Variants in ARID1B observed in about 807,000 individuals in gnomAD.
ARID1B encodes AT-rich interaction domain 1B.
ARID1B carries 30 observed loss-of-function variants against 212.3 expected under a neutral mutation model. The observed-to-expected ratio is 0.14, with a 90% CI of 0.11 to 0.19. The LOEUF (loss-of-function observed/expected upper bound fraction) is 0.19, where lower values mean the gene tolerates loss of function less well. Ranked by LOEUF, ARID1B falls within the 10% of genes least tolerant of loss-of-function variation. ARID1B has a pLI of 1.00. For synonymous variants in ARID1B, 1,402 were observed against 1,301.7 expected, an observed-to-expected ratio of 1.08 and a Z score of -1.66; for missense variants, 2,891 against 3,204.0, an observed-to-expected ratio of 0.90 and a Z score of 2.36.
Position 157,039,871 on chromosome 6 carries a change from T to TTC in ARID1B, c.2248-44791_2248-44790insTC, listed in dbSNP as rs1562570010. On this transcript the variant is annotated intron_variant, in intron 4 of 19. Transcript: ENST00000636930. ...CTTTCTCTCTCTTTCTCTCTCTTTC[T>TTC]CTTTCTTTTCTCTTCCTTCCTTCCT... 1.3e-3 allele frequency among the ~76,000 whole-genome samples: 109 copies of TTC among 81,800 alleles called. 1 individual carries two copies. Among genetic ancestry groups the TTC allele is most frequent in the Non-Finnish European group, 1.9e-3 (71 of 37,948 alleles). The allele number at this position is 81,800 out of a possible 152,430, so 53.7% of individuals were successfully genotyped here.
chr6:156,785,903 C>T (rs977958626), intron 1 of ARID1B, among the ~76,000 whole-genome samples: 1 of 152,210 alleles, frequency 6.6e-6, no homozygotes. Flanking sequence ...GGGTAATCCT[C>T]ATAGAGTTTG....
At chr6:157,014,589 T>C (rs570634462) in intron 4 of ARID1B, among the ~76,000 whole-genome samples, 6 of 152,178 alleles carry the variant, frequency 3.9e-5, no homozygotes, top group African/African-American at 1.4e-4. Flanking sequence ...TATAAGCAGT[T>C]TTTTTCATCT....
intron 4 of ARID1B, among the ~76,000 whole-genome samples, chr6:156,973,385 A>G (rs945200044): frequency 4.6e-5 from 7 of 152,172 alleles, no homozygotes; most frequent in Admixed American, 2.6e-4. Context: ...ATGATCTTTG[A>G]CAGCCCTTCT....
Position 156,864,675 on chromosome 6 carries a change from A to G in ARID1B, c.1986+35254A>G, listed in dbSNP as rs115818351. ...TTCATGTCTAGAATCACATTCTTAC[A>G]TTGCTCCTTGAAGTTTTAGGCTTTG... On this transcript the variant is annotated intron_variant, in intron 2 of 19. Coordinates refer to ENST00000636930, the MANE Select transcript of ARID1B (RefSeq NM_001374828.1). 5.6e-3 allele frequency among the ~76,000 whole-genome samples: 853 copies of G among 152,240 alleles called. 7 individuals are homozygous for G. Among genetic ancestry groups the G allele is most frequent in the African/African-American group, 0.02 (818 of 41,520 alleles).
chr6:156,833,576 G>A (rs1783292383), intron 2 of ARID1B, among the ~76,000 whole-genome samples: 1 of 152,136 alleles, frequency 6.6e-6, no homozygotes, highest in East Asian at 1.9e-4. Context: ...AAGTTCATGA[G>A]TGCTTTTATG....
At chr6:157,077,787 A>C (rs1175919483) in intron 4 of ARID1B, among the ~76,000 whole-genome samples, 1 of 152,196 alleles carries the variant, frequency 6.6e-6, no homozygotes, top group Non-Finnish European at 1.5e-5. Flanking sequence ...CCACATATGA[A>C]TATAAAATGT....
intron 4 of ARID1B, among the ~76,000 whole-genome samples, chr6:157,016,587 G>A (rs557790907): frequency 5.3e-5 from 8 of 152,238 alleles, no homozygotes; most frequent in African/African-American, 1.7e-4. Context: ...AGATGTGCCA[G>A]TTATGGGACC....
At chr6:157,134,232 G>A (rs1020489667) in intron 7 of ARID1B, among the ~76,000 whole-genome samples, 10 of 152,190 alleles carry the variant, frequency 6.6e-5, no homozygotes, top group African/African-American at 2.4e-4. Context: ...CTTTTTACCT[G>A]CTGGTTCTCA....
intron 11 of ARID1B, 51 bp from the exon 12 acceptor site, chr6:157,180,918 C>A (rs2128316260): frequency 1.3e-6 from 2 of 1,522,956 alleles, no homozygotes; most frequent in South Asian, 2.3e-5. Flanking sequence ...CTTCTTCCCT[C>A]TCCCTCTGCC....
At chr6:156,919,979 C>T (rs1318068256) in intron 3 of ARID1B, among the ~76,000 whole-genome samples, 2 of 152,220 alleles carry the variant, frequency 1.3e-5, no homozygotes, top group Non-Finnish European at 2.9e-5. Flanking sequence ...GTGGGTGATC[C>T]CTCTCTCCCG....
chr6:156,989,213 C>G (rs1399953290), intron 4 of ARID1B, among the ~76,000 whole-genome samples: 1 of 152,148 alleles, frequency 6.6e-6, no homozygotes, highest in Non-Finnish European at 1.5e-5. Context: ...CCCTCTAAGT[C>G]AGGTCAGCCA....
At chr6:156,935,136 C>T (rs560667838) in intron 3 of ARID1B, among the ~76,000 whole-genome samples, 5 of 151,864 alleles carry the variant, frequency 3.3e-5, no homozygotes, top group South Asian at 2.1e-4. Context: ...CTCTGTCACC[C>T]AGGCTGGAGT....
rs561588013 is a variant in ARID1B at position 157,133,966 on chromosome 6, A to G, written c.2761+759A>G. 3.9e-5 allele frequency among the ~76,000 whole-genome samples: 6 copies of G among 152,302 alleles called. No individual in the cohort carries two copies. The South Asian group carries it at 1.2e-3, about 32-fold the overall frequency. On this transcript the variant is annotated intron_variant, in intron 7 of 19. Coordinates refer to ENST00000636930, the MANE Select transcript of ARID1B (RefSeq NM_001374828.1). Reference sequence around the variant, plus strand: ...TCACTTTTAGCAATAAGACATTTGAATTTACCACCTTCCTTATATTTTGTT... The same window carrying G: ...TCACTTTTAGCAATAAGACATTTGAGTTTACCACCTTCCTTATATTTTGTT...
chr6:157,114,003 A>G (rs777401852), intron 6 of ARID1B, among the ~76,000 whole-genome samples: 5 of 152,188 alleles, frequency 3.3e-5, no homozygotes, highest in African/African-American at 4.8e-5. Context: ...AATAATAGAA[A>G]CATCTGTTTG....
At chr6:157,184,588 G>T in intron 13 of ARID1B, 153 bp downstream of exon 13, 4 of 852,346 alleles carry the variant, frequency 4.7e-6, no homozygotes, top group Non-Finnish European at 7.4e-6. Flanking sequence ...TTAATTGGAC[G>T]CCCACTGGCA....
At chr6:157,075,058 A>G (rs17088065) in intron 4 of ARID1B, among the ~76,000 whole-genome samples, 4,227 of 152,330 alleles carry the variant, frequency 0.028, 292 homozygotes, top group East Asian at 0.27. Context: ...GTAACATATT[A>G]TAAAGTGGTT....
At chr6:156,813,595 A>G (rs1185920570) in intron 1 of ARID1B, among the ~76,000 whole-genome samples, 1 of 152,128 alleles carries the variant, frequency 6.6e-6, no homozygotes, top group Non-Finnish European at 1.5e-5. Flanking sequence ...TGTCTCCACT[A>G]CCTTTGCACA....
chr6:157,160,239 A>G (rs1273233521), intron 8 of ARID1B, among the ~76,000 whole-genome samples: 1 of 152,196 alleles, frequency 6.6e-6, no homozygotes, highest in Non-Finnish European at 1.5e-5. Flanking sequence ...TGCCTGTGTG[A>G]CGCTAGGTGC....
chr6:156,789,879 G>A lies in ARID1B; in HGVS notation c.1791+10408G>A, dbSNP rs573295714. 5.3e-5 allele frequency among the ~76,000 whole-genome samples: 8 copies of A among 152,316 alleles called. No homozygotes were observed. The East Asian group carries it at 1.2e-3, about 22-fold the overall frequency. ...GAGGACTAAACTTTATAAGAAACGTGTATGCTGCTTGGCAATGAAAAGGAC... is the reference window on the plus strand; with the variant it reads ...GAGGACTAAACTTTATAAGAAACGTATATGCTGCTTGGCAATGAAAAGGAC... On this transcript the variant is annotated intron_variant, in intron 1 of 19. Transcript: ENST00000636930.
Sources: allele counts gnomAD v4.1 joint callset (sites outside exome capture counted in the v4.1 genomes callset), GRCh38; gene constraint gnomAD v4.1.1; transcripts MANE v1.5; gene names NCBI Gene and HGNC (gene_info 2026-07-23, HGNC 2026-07-21).